Variants in RTF1 observed in about 807,000 individuals in gnomAD.
The protein encoded by RTF1 is RNA polymerase-associated protein RTF1 homolog.
A neutral mutation model predicts 95.7 loss-of-function variants in RTF1; 10 were observed. That is an observed-to-expected ratio of 0.10 (90% CI 0.06 to 0.18). The LOEUF is 0.18. RTF1 is among the 10% of genes least tolerant of loss of function. The pLI, the probability that RTF1 is intolerant of heterozygous loss-of-function variation, is 1.00. For synonymous variants in RTF1, 305 were observed against 311.8 expected, an observed-to-expected ratio of 0.98 and a Z score of 0.23; for missense variants, 458 against 875.6, an observed-to-expected ratio of 0.52 and a Z score of 6.02.
In RTF1 at chr15:41,470,358, T is replaced by C; in HGVS notation, c.991T>C (p.Ser331Pro). 1.2e-6 allele frequency: 2 copies of C among 1,614,024 alleles called. No individual in the cohort carries two copies. Among genetic ancestry groups the C allele is most frequent in the Non-Finnish European group, 1.7e-6 (2 of 1,179,942 alleles). The change falls in exon 7 of 18, where the codon TCA (serine) becomes CCA (proline). Residue 331 changes from serine (S) to proline (P), a missense_variant. Ser to Pro is a moderately conservative substitution (Grantham distance 74). Around this residue, in one of 11 missense-constraint regions of RTF1, gnomAD observed 150 missense variants for 275.7 expected, o/e 0.54. Transcript: ENST00000389629. ...CAAATCCAGTGAAAAGTCAGACCGCTCATCACGAACATCATCGTCTGATGA... is the reference window on the plus strand; with the variant it reads ...CAAATCCAGTGAAAAGTCAGACCGCCCATCACGAACATCATCGTCTGATGA... ...DDKSSEKSDR[S>P]SRTSSSDEEE...
chr15:41,419,721 T>C (rs1255655941), intron 1 of RTF1, among the ~76,000 whole-genome samples: 1 of 152,246 alleles, frequency 6.6e-6, no homozygotes, highest in Non-Finnish European at 1.5e-5. Flanking sequence ...AGAATTCTGA[T>C]GAATAAAATA....
rs555711510 is a variant in RTF1, at chr15:41,417,690, G to A, written c.198+377G>A. ...ATCGCCCGCCAACCTGGGAGGCTGG[G>A]AGGTTTTGGAGGAGGTGCAAGGGTG... On this transcript the variant is annotated intron_variant, in intron 1 of 17. Transcript: ENST00000389629. Among the ~76,000 whole-genome samples the A allele has an allele frequency of 2.6e-5, 4 of 152,362 alleles. No homozygotes were observed. The South Asian group carries it at 8.3e-4, about 32-fold the overall frequency.
At chr15:41,474,460 T>G (rs2050932012) in intron 8 of RTF1, 160 bp from the exon 9 acceptor site, 5 of 634,178 alleles carry the variant, frequency 7.9e-6, no homozygotes, top group Non-Finnish European at 8.6e-6. Context: ...CCATCTGGAT[T>G]CTAAACCTGA....
chr15:41,437,761 T>C (rs2050712372), intron 1 of RTF1, among the ~76,000 whole-genome samples: 1 of 152,118 alleles, frequency 6.6e-6, no homozygotes, highest in African/African-American at 2.4e-5. Flanking sequence ...ATTGGGAGAA[T>C]AGGGCTTGTG....
intron 4 of RTF1, among the ~76,000 whole-genome samples, chr15:41,459,739 A>T (rs558664475): frequency 3.3e-5 from 5 of 152,158 alleles, no homozygotes; most frequent in African/African-American, 1.2e-4. Flanking sequence ...TGGTTTTTGT[A>T]TTTTTTTAAA....
chr15:41,457,807 A>G lies in RTF1; in HGVS notation c.593A>G (p.Gln198Arg), dbSNP rs751360176. Residue 198 changes from glutamine (Q) to arginine (R), a missense_variant, in exon 4 of 18, where the codon CAG becomes CGG. Transcript: ENST00000389629. Reference sequence around the variant, plus strand: ...GAGGAAGACAGGGCCCGTCTGGAACAGATGACAGAGAAAGAGAGAGAGCAA... The same window carrying G: ...GAGGAAGACAGGGCCCGTCTGGAACGGATGACAGAGAAAGAGAGAGAGCAA... ...GDEEDRARLE[Q>R]MTEKEREQEL... 6.2e-7 allele frequency: 1 copy of G among 1,614,196 alleles called. No homozygotes were observed. Among genetic ancestry groups the G allele is most frequent in the Non-Finnish European group, 8.5e-7 (1 of 1,180,034 alleles).
In RTF1 at chr15:41,457,898, T is replaced by TC. The variant is rs11313160; in HGVS notation, c.662+31dup. ...GAAGGTAAGGTTGTCCTCGTCGTTG[T>TC]CCCCCCCCCGCCCCCACCTTTTCTG... On this transcript the variant is annotated intron_variant, in intron 4 of 17. Coordinates refer to ENST00000389629, the MANE Select transcript of RTF1 (RefSeq NM_015138.5). 2,386 of 1,505,168 alleles carry TC rather than the reference T, an allele frequency of 1.6e-3. 1 individual carries two copies. Among genetic ancestry groups the TC allele is most frequent in the Non-Finnish European group, 1.7e-3 (1,920 of 1,100,896 alleles). The allele number at this position is 1,505,168 out of a possible 1,614,324, so 93.2% of individuals were successfully genotyped here. A position where few individuals can be genotyped will look rare whatever the true frequency, so the allele number is the denominator to read the frequency against.
Position 41,438,335 on chromosome 15 carries a change from G to T in RTF1, c.213G>T (p.Leu71=). 6.5e-7 allele frequency: 1 copy of T among 1,550,218 alleles called. No homozygotes were observed. The highest frequency in any genetic ancestry group is 1.2e-5 in the South Asian group (1 of 83,990). ...DENLDQELLS[L]AKRKRSDSEE... Reference sequence around the variant, plus strand: ...TGTCCCATTAGGAGCTCTTGTCCCTGGCAAAGCGAAAGCGCAGTGACTCTG... The same window carrying T: ...TGTCCCATTAGGAGCTCTTGTCCCTTGCAAAGCGAAAGCGCAGTGACTCTG... The change falls in exon 2 of 18, where the codon CTG becomes CTT. Residue 71 remains leucine, a synonymous_variant. Transcript: ENST00000389629.
chr15:41,432,485 C>G (rs945650859), intron 1 of RTF1, among the ~76,000 whole-genome samples: 36 of 152,174 alleles, frequency 2.4e-4, no homozygotes, highest in Admixed American at 5.9e-4. Flanking sequence ...GCGTGAGCCA[C>G]TGCGCCCGGC....
intron 7 of RTF1, 54 bp downstream of exon 7, chr15:41,470,446 A>G: frequency 6.9e-6 from 11 of 1,588,244 alleles, no homozygotes; most frequent in Admixed American, 1.7e-5. Flanking sequence ...TTTTTGAGGA[A>G]GAGCTTGGTA....
chr15:41,473,196 C>T (rs535997784), intron 8 of RTF1, among the ~76,000 whole-genome samples: 3 of 151,822 alleles, frequency 2.0e-5, no homozygotes, highest in East Asian at 2.0e-4. Flanking sequence ...TGCAGTGGCG[C>T]GATCTTGGCT....
intron 1 of RTF1, among the ~76,000 whole-genome samples, chr15:41,427,199 C>T (rs1457511169): frequency 2.0e-4 from 26 of 128,820 alleles, no homozygotes; most frequent in South Asian, 5.2e-4. Flanking sequence ...TTGCCCAGGC[C>T]GGAGTGCAGT....
At chr15:41,436,765 G>T (rs146559207) in intron 1 of RTF1, among the ~76,000 whole-genome samples, 1 of 152,054 alleles carries the variant, frequency 6.6e-6, no homozygotes. Flanking sequence ...CTGCACTCTA[G>T]ACTGGGCAAC....
At chr15:41,469,737 C>G (rs2050900089) in intron 6 of RTF1, among the ~76,000 whole-genome samples, 1 of 152,002 alleles carries the variant, frequency 6.6e-6, no homozygotes, top group South Asian at 2.1e-4. Flanking sequence ...GTTGACCAAG[C>G]TGGTCTCGAA....
intron 1 of RTF1, among the ~76,000 whole-genome samples, chr15:41,421,958 A>G (rs919173438): frequency 2.0e-5 from 3 of 152,070 alleles, no homozygotes; most frequent in African/African-American, 7.2e-5. Flanking sequence ...GGTGATTCTC[A>G]GGCTTTGGCC....
In RTF1 at chr15:41,417,196, G is replaced by T. The variant is rs1370679283; in HGVS notation, c.81G>T (p.Gly27=). 3.2e-6 allele frequency: 4 copies of T among 1,264,104 alleles called. No homozygotes were observed. Among genetic ancestry groups the T allele is most frequent in the Admixed American group, 4.2e-5 (1 of 23,820 alleles). 78.3% of individuals were successfully genotyped at this position (1,264,104 alleles called of 1,614,324 possible). ...TCCCACTGGCAGGCGGGCAAGAGGGGAGTCCGGGCGGCGGCCGGCGTGGGA... is the reference window on the plus strand; with the variant it reads ...TCCCACTGGCAGGCGGGCAAGAGGGTAGTCCGGGCGGCGGCCGGCGTGGGA... ...VAVPLAGGQE[G]SPGGGRRGSR... is the part of the protein sequence containing the mutation. The change falls in exon 1 of 18, where the codon GGG becomes GGT. Residue 27 remains glycine (G), a synonymous_variant. Transcript: ENST00000389629.
At chr15:41,433,785 A>C (rs1336000619) in intron 1 of RTF1, among the ~76,000 whole-genome samples, 1 of 152,052 alleles carries the variant, frequency 6.6e-6, no homozygotes, top group East Asian at 1.9e-4. Flanking sequence ...ACATGAACAT[A>C]CAATTACCCC....
chr15:41,432,112 T>G (rs2050677974), intron 1 of RTF1, among the ~76,000 whole-genome samples: 1 of 151,598 alleles, frequency 6.6e-6, no homozygotes. Context: ...CTATTGTTAA[T>G]ATGGTATTTA....
chr15:41,467,011 T>C lies in RTF1; in HGVS notation c.889+759T>C, dbSNP rs2050884163. On this transcript the variant is annotated intron_variant, in intron 6 of 17. Coordinates refer to ENST00000389629, the MANE Select transcript of RTF1 (RefSeq NM_015138.5). ...AGGCTGATTTTTAGGTAGTGGTATG[T>C]ATTTCCATCAGGAGACACATGATAT... Among the ~76,000 whole-genome samples, 4 of 152,218 alleles carry C rather than the reference T, an allele frequency of 2.6e-5. No individual in the cohort carries two copies. The South Asian group carries it at 8.3e-4, about 31-fold the overall frequency.
Sources: allele counts gnomAD v4.1 joint callset (sites outside exome capture counted in the v4.1 genomes callset), GRCh38; gene constraint gnomAD v4.1.1; regional missense constraint gnomAD v4.1.1; transcripts MANE v1.5; gene names NCBI Gene and HGNC (gene_info 2026-07-23, HGNC 2026-07-21).